IL3: variants seen among roughly 807,000 people sequenced by gnomAD.
IL3 encodes the protein interleukin 3, also known as interleukin-3.
In IL3, 15 loss-of-function variants were observed where a neutral mutation model predicts 15.4. The ratio of observed to expected loss-of-function variants is 0.97; its 90% CI spans 0.65 to 1.50. The LOEUF (loss-of-function observed/expected upper bound fraction) is 1.50, where lower values mean the gene tolerates loss of function less well. Among genes scored for constraint, IL3 ranks in the 40% most tolerant of loss-of-function variants. The pLI is 0.00. For synonymous variants in IL3, 74 were observed against 79.3 expected (o/e 0.93, Z 0.36); for missense variants, 162 against 192.2 (o/e 0.84, Z 0.93).
intron 2 of IL3, among the ~76,000 whole-genome samples, chr5:132,061,770 T>A (rs1315628707): frequency 8.6e-5 from 2 of 23,290 alleles, no homozygotes; most frequent in Non-Finnish European, 8.8e-5. Flanking sequence ...CCCCACCCAT[T>A]TTTTTTTTTT....
rs1554120407 is a variant in IL3, at chr5:132,062,543, G to T, written c.312G>T (p.Leu104=). Reference sequence around the variant, plus strand: ...TTCCACAGAATCTCCTGCCATGTCTGCCCCTGGCCACGGCCGCACCCACGG... The same window carrying T: ...TTCCACAGAATCTCCTGCCATGTCTTCCCCTGGCCACGGCCGCACCCACGG... The part of the protein sequence containing the change: ...ESILKNLLPC[L]PLATAAPTRH... Residue 104 remains leucine (L), a synonymous_variant, in exon 4 of 5, where the codon CTG becomes CTT. Coordinates refer to ENST00000296870, the MANE Select transcript of IL3 (RefSeq NM_000588.4). 1.2e-6 allele frequency: 2 copies of T among 1,614,100 alleles called. No individual in the cohort carries two copies. The highest frequency in any genetic ancestry group is 1.7e-6 in the Non-Finnish European group (2 of 1,180,016).
intron 2 of IL3, among the ~76,000 whole-genome samples, chr5:132,062,017 C>T (rs1260916457): frequency 2.0e-5 from 3 of 152,224 alleles, no homozygotes; most frequent in East Asian, 1.9e-4. Context: ...CTGCCTCGGC[C>T]TCCCAAAGTG....
At position 132,061,009 on chromosome 5, in the gene IL3, G is replaced by T. The variant is rs1277412153; in HGVS notation, c.204+1G>T. 2 of 1,614,050 alleles carry T rather than the reference G, an allele frequency of 1.2e-6. No individual in the cohort carries two copies. Among genetic ancestry groups the T allele is most frequent in the South Asian group, 2.2e-5 (2 of 91,064 alleles). On this transcript the variant is annotated splice_donor_variant, in intron 2 of 4. Transcript: ENST00000296870. LOFTEE classifies it high-confidence loss of function. Reference sequence around the variant, plus strand: ...TGGGGAAGACCAAGACATTCTGATGGTAAGAGCTCAGCCCGTGGATCCCGA... The same window carrying T: ...TGGGGAAGACCAAGACATTCTGATGTTAAGAGCTCAGCCCGTGGATCCCGA...
At chr5:132,061,764 AC>A (rs1756482699) in intron 2 of IL3, among the ~76,000 whole-genome samples, 1 of 105,796 alleles carries the variant, frequency 9.5e-6, no homozygotes, top group South Asian at 2.9e-4. Flanking sequence ...CCCCCTCCCC[AC>A]CCATTTTTTT....
chr5:132,060,731 C>A lies in IL3; in HGVS notation c.25C>A (p.Leu9Met). 1.2e-6 allele frequency: 2 copies of A among 1,613,664 alleles called. No homozygotes were observed. The highest frequency in any genetic ancestry group is 3.6e-4 in the Middle Eastern group (2 of 5,594). Residue 9 changes from leucine (L) to methionine (M), a missense_variant, in exon 1 of 5, where the codon CTG (leucine) becomes ATG (methionine). Physicochemically the swap from Leu to Met is conservative, Grantham distance 15. Coordinates refer to ENST00000296870, the MANE Select transcript of IL3 (RefSeq NM_000588.4). ...CATGAGCCGCCTGCCCGTCCTGCTC[C>A]TGCTCCAACTCCTGGTCCGCCCCGG... MSRLPVLL[L>M]LQLLVRPGLQ...
chr5:132,061,110 G>C, intron 2 of IL3, 102 bp downstream of exon 2: 1 of 1,011,758 alleles, frequency 9.9e-7, no homozygotes, highest in Non-Finnish European at 1.5e-6. Flanking sequence ...TGTAAAATAG[G>C]GTTAATAGCA....
Position 132,062,752 on chromosome 5 carries a change from G to A in IL3, c.420G>A (p.Ala140=), listed in dbSNP as rs781087044. ...TCTATCTGAAAACCCTTGAGAATGC[G>A]CAGGCTCAACAGACGACTTTGAGCC... The part of the protein sequence containing the change: ...LTFYLKTLEN[A]QAQQTTLSLA... Residue 140 remains alanine (A), a synonymous_variant, in exon 5 of 5, where the codon GCG becomes GCA. Transcript: ENST00000296870. 10 of 1,613,998 alleles carry A rather than the reference G, an allele frequency of 6.2e-6. No individual in the cohort carries two copies. The highest frequency in any genetic ancestry group is 2.7e-5 in the African/African-American group (2 of 74,898).
At position 132,060,844 on chromosome 5, in the gene IL3, A is replaced by G; in HGVS notation, c.138A>G (p.Leu46=). 6.2e-7 allele frequency: 1 copy of G among 1,614,190 alleles called. No individual in the cohort carries two copies. Among genetic ancestry groups the G allele is most frequent in the Non-Finnish European group, 8.5e-7 (1 of 1,179,992 alleles). The stretch of plus-strand genomic sequence containing the variant: ...TGATCGATGAAATTATAACACACTT[A>G]AAGCAGCCACCTTTGCCTTTGCTGG... ...SNMIDEIITH[L]KQPPLPLLDF... The change falls in exon 1 of 5, where the codon TTA becomes TTG. Residue 46 remains leucine (L), a synonymous_variant. Transcript: ENST00000296870.
chr5:132,062,860 T>A lies in IL3; in HGVS notation c.*69T>A. 1 of 1,549,460 alleles carries A rather than the reference T, an allele frequency of 6.5e-7. No homozygotes were observed. Among genetic ancestry groups the A allele is most frequent in the Non-Finnish European group, 8.7e-7 (1 of 1,148,668 alleles). On this transcript the variant is annotated 3_prime_UTR_variant, in exon 5 of 5. Transcript: ENST00000296870. ...CTCGGGACATCAAAAACAGCAGAACTTCTGAAACCTCTGGGTCATCTCTCA... is the reference window on the plus strand; with the variant it reads ...CTCGGGACATCAAAAACAGCAGAACATCTGAAACCTCTGGGTCATCTCTCA...
intron 2 of IL3, 132 bp from the exon 3 acceptor site, chr5:132,062,180 G>A: frequency 3.9e-6 from 3 of 765,024 alleles, no homozygotes; most frequent in Non-Finnish European, 6.9e-6. Flanking sequence ...CCTGAGGCAA[G>A]AACGGGACTA....
rs2069790 is a variant in IL3 at position 132,062,199 on chromosome 5, C to G, written c.205-113C>G. On this transcript the variant is annotated intron_variant, in intron 2 of 4. Transcript: ENST00000296870. Reference sequence around the variant, plus strand: ...AGGCAAGAACGGGACTAGGAGGGAACCCGAGGATGTCCCCAACAGTGGGCT... The same window carrying G: ...AGGCAAGAACGGGACTAGGAGGGAAGCCGAGGATGTCCCCAACAGTGGGCT... 16,453 of 871,096 alleles carry G rather than the reference C, an allele frequency of 0.019. 1,481 individuals carry two copies. In the African/African-American group the frequency reaches 0.21, roughly 11 times the overall value. The allele number at this position is 871,096 out of a possible 1,614,324, so 54.0% of individuals were successfully genotyped here. A position where few individuals can be genotyped will look rare whatever the true frequency, so the allele number is the denominator to read the frequency against.
Position 132,063,016 on chromosome 5 carries a change from CTATT to C in IL3, c.*233_*236del, listed in dbSNP as rs1273490602. 3 of 537,728 alleles carry C rather than the reference CTATT, an allele frequency of 5.6e-6. No individual in the cohort carries two copies. The highest frequency in any genetic ancestry group is 3.8e-5 in the African/African-American group (2 of 52,938). 33.3% of individuals were successfully genotyped at this position (537,728 alleles called of 1,614,324 possible). ...TGTTCTCATTTTTATCCCATTGAGA[CTATT>C]TATTTATGTATGTATGTATTTATTT... On this transcript the variant is annotated 3_prime_UTR_variant, in exon 5 of 5. Coordinates refer to ENST00000296870, the MANE Select transcript of IL3 (RefSeq NM_000588.4).
At position 132,062,914 on chromosome 5, in the gene IL3, T is replaced by A; in HGVS notation, c.*123T>A. On this transcript the variant is annotated 3_prime_UTR_variant, in exon 5 of 5. Coordinates refer to ENST00000296870, the MANE Select transcript of IL3 (RefSeq NM_000588.4). Reference sequence around the variant, plus strand: ...ATTCCAGGACCAGAAGCATTTCACCTTTTCCTGCGGCATCAGATGAATTGT... The same window carrying A: ...ATTCCAGGACCAGAAGCATTTCACCATTTCCTGCGGCATCAGATGAATTGT... 2 of 1,274,000 alleles carry A rather than the reference T, an allele frequency of 1.6e-6. No homozygotes were observed. The highest frequency in any genetic ancestry group is 1.5e-5 in the African/African-American group (1 of 66,954). 78.9% of individuals were successfully genotyped at this position (1,274,000 alleles called of 1,614,324 possible). A position where few individuals can be genotyped will look rare whatever the true frequency, so the allele number is the denominator to read the frequency against.
At position 132,063,020 on chromosome 5, in the gene IL3, T is replaced by C. The variant is rs1756509521; in HGVS notation, c.*229T>C. On this transcript the variant is annotated 3_prime_UTR_variant, in exon 5 of 5. Coordinates refer to ENST00000296870, the MANE Select transcript of IL3 (RefSeq NM_000588.4). ...CTCATTTTTATCCCATTGAGACTAT[T>C]TATTTATGTATGTATGTATTTATTT... The C allele has an allele frequency of 3.8e-6, 2 of 525,282 alleles. No homozygotes were observed. Among genetic ancestry groups the C allele is most frequent in the Non-Finnish European group, 6.6e-6 (2 of 300,946 alleles). The allele number at this position is 525,282 out of a possible 1,614,324, so 32.5% of individuals were successfully genotyped here. A position where few individuals can be genotyped will look rare whatever the true frequency, so the allele number is the denominator to read the frequency against.
Position 132,060,873 on chromosome 5 carries a change from G to A in IL3, c.162+5G>A. 1 of 1,613,666 alleles carries A rather than the reference G, an allele frequency of 6.2e-7. No individual in the cohort carries two copies. Among genetic ancestry groups the A allele is most frequent in the Non-Finnish European group, 8.5e-7 (1 of 1,179,526 alleles). ...CAGCCACCTTTGCCTTTGCTGGTGA[G>A]TAGCTTGGATAAGACTGGCCTGCAG... On this transcript the variant is annotated splice_donor_5th_base_variant and intron_variant, in intron 1 of 4. Transcript: ENST00000296870.
Position 132,062,986 on chromosome 5 carries a change from G to A in IL3, c.*195G>A, listed in dbSNP as rs2069792. The A allele has an allele frequency of 2.9e-3, 1,887 of 658,276 alleles. 29 individuals carry two copies. The African/African-American group carries it at 0.031, about 11-fold the overall frequency. The allele number at this position is 658,276 out of a possible 1,614,324, so 40.8% of individuals were successfully genotyped here. A position where few individuals can be genotyped will look rare whatever the true frequency, so the allele number is the denominator to read the frequency against. ...GTGCAGCTCCCATTTGGCCTTGTGC[G>A]GTTGTGTTCTCATTTTTATCCCATT... On this transcript the variant is annotated 3_prime_UTR_variant, in exon 5 of 5. Transcript: ENST00000296870.
chr5:132,060,677 C>T lies in IL3; in HGVS notation c.-30C>T, dbSNP rs939479904. 10 of 1,611,672 alleles carry T rather than the reference C, an allele frequency of 6.2e-6. No homozygotes were observed. The highest frequency in any genetic ancestry group is 8.5e-6 in the Non-Finnish European group (10 of 1,179,844). ...TTCAGAGCCCCACGAAGGACCAGAACAAGACAGAGTGCCTCCTGCCGATCC... is the reference window on the plus strand; with the variant it reads ...TTCAGAGCCCCACGAAGGACCAGAATAAGACAGAGTGCCTCCTGCCGATCC... On this transcript the variant is annotated 5_prime_UTR_variant, in exon 1 of 5. Transcript: ENST00000296870.
chr5:132,062,070 C>T (rs1258631180), intron 2 of IL3, among the ~76,000 whole-genome samples: 1 of 152,178 alleles, frequency 6.6e-6, no homozygotes, highest in Non-Finnish European at 1.5e-5. Context: ...CCCACCTAGG[C>T]CCTTTATGTA....
Position 132,060,778 on chromosome 5 carries a change from G to T in IL3, c.72G>T (p.Gln24His), listed in dbSNP as rs749542048. 4.3e-6 allele frequency: 7 copies of T among 1,614,072 alleles called. No individual in the cohort carries two copies. The African/African-American group carries it at 9.3e-5, about 22-fold the overall frequency. Reference sequence around the variant, plus strand: ...CCGGACTCCAAGCTCCCATGACCCAGACAACGCCCTTGAAGACAAGCTGGG... The same window carrying T: ...CCGGACTCCAAGCTCCCATGACCCATACAACGCCCTTGAAGACAAGCTGGG... ...VRPGLQAPMT[Q>H]TTPLKTSWVN... The change falls in exon 1 of 5, where the codon CAG (glutamine) becomes CAT (histidine). Residue 24 changes from glutamine (Q) to histidine (H), a missense_variant. Physicochemically the swap from Gln to His is conservative, Grantham distance 24. Coordinates refer to ENST00000296870, the MANE Select transcript of IL3 (RefSeq NM_000588.4).
Sources: allele counts gnomAD v4.1 joint callset (sites outside exome capture counted in the v4.1 genomes callset), GRCh38; gene constraint gnomAD v4.1.1; transcripts MANE v1.5; gene names NCBI Gene and HGNC (gene_info 2026-07-23, HGNC 2026-07-21).